KTN1: variants seen among roughly 807,000 people sequenced by gnomAD.
The protein encoded by KTN1 is kinectin 1, also known as kinectin.
In KTN1, 130 loss-of-function variants were observed where a neutral mutation model predicts 222.5. The observed-to-expected ratio is 0.58, with a 90% confidence interval of 0.51 to 0.68. KTN1 has a LOEUF of 0.68. Among genes scored for constraint, KTN1 ranks in the 30% least tolerant of loss-of-function variants. The probability of loss-of-function intolerance (pLI) is 0.00; values close to 1 mark genes in which losing one functional copy is unlikely to be tolerated. For synonymous variants in KTN1, 512 were observed against 496.3 expected, an observed-to-expected ratio of 1.03 and a Z score of -0.42; for missense variants, 1,508 against 1,500.4, an observed-to-expected ratio of 1.01 and a Z score of -0.08.
chr14:55,659,729 T>A, intron 31 of KTN1, 26 bp downstream of exon 31: 3 of 1,297,848 alleles, frequency 2.3e-6, no homozygotes, highest in Non-Finnish European at 3.3e-6. Flanking sequence ...GAGTCACAGT[T>A]TATAAAGTCG....
chr14:55,582,661 T>C (rs897575688), intron 1 of KTN1, among the ~76,000 whole-genome samples: 4 of 152,344 alleles, frequency 2.6e-5, no homozygotes, highest in Non-Finnish European at 2.9e-5. Flanking sequence ...ATAATTTTTA[T>C]AGCAAATGAA....
chr14:55,651,459 G>T (rs1424323963), intron 24 of KTN1: 1 of 437,616 alleles, frequency 2.3e-6, no homozygotes, highest in Admixed American at 2.6e-5. Flanking sequence ...TGAAAACTGG[G>T]ATGGAGAAGA....
chr14:55,601,797 G>C (rs1337269257), intron 1 of KTN1: 12 of 152,078 alleles, frequency 7.9e-5, no homozygotes, highest in Admixed American at 7.9e-4. Context: ...GTGCAGTGGT[G>C]TGACCTTGGC....
rs192778587 is a variant in KTN1, at chr14:55,663,192, T to G, written c.3091-763T>G. 7.3e-5 allele frequency: 15 copies of G among 204,108 alleles called. No individual in the cohort carries two copies. In the East Asian group the frequency reaches 1.6e-3, roughly 22 times the overall value. The allele number at this position is 204,108 out of a possible 1,614,324, so 12.6% of individuals were successfully genotyped here. A position where few individuals can be genotyped will look rare whatever the true frequency, so the allele number is the denominator to read the frequency against. The stretch of plus-strand genomic sequence containing the variant: ...AAGTAATAAATGGTGATTATTGGCT[T>G]TTTATTTTTCGTTGTTGGTTTTTAT... On this transcript the variant is annotated intron_variant, in intron 32 of 43. Transcript: ENST00000395314.
chr14:55,680,420 A>G (rs1459171038), intron 43 of KTN1: 1 of 163,820 alleles, frequency 6.1e-6, no homozygotes, highest in Non-Finnish European at 1.3e-5. Context: ...TTTATGAATA[A>G]CTTAAGTCAC....
intron 43 of KTN1, 187 bp downstream of exon 43, chr14:55,679,872 G>A: frequency 1.7e-6 from 1 of 599,990 alleles, no homozygotes; most frequent in Non-Finnish European, 2.9e-6. Flanking sequence ...TGAAGGTCTT[G>A]TAGCTTGGAG....
chr14:55,615,952 T>G (rs1270763292), intron 2 of KTN1, among the ~76,000 whole-genome samples: 1 of 151,916 alleles, frequency 6.6e-6, no homozygotes, highest in Non-Finnish European at 1.5e-5. Flanking sequence ...CTTGCTCTGT[T>G]GCTGAGGCTC....
intron 21 of KTN1, 114 bp downstream of exon 21, chr14:55,648,984 G>T (rs2042667544): frequency 4.3e-6 from 3 of 699,438 alleles, no homozygotes; most frequent in African/African-American, 3.6e-5. Context: ...GGAGTGCAGT[G>T]GTACAATCAT....
chr14:55,666,582 A>G (rs746922847), intron 33 of KTN1, among the ~76,000 whole-genome samples: 1 of 151,912 alleles, frequency 6.6e-6, no homozygotes, highest in Admixed American at 6.6e-5. Context: ...GACATTTGTA[A>G]TATTTGTAAA....
At chr14:55,656,610 C>T (rs901293486) in intron 29 of KTN1, among the ~76,000 whole-genome samples, 1 of 152,060 alleles carries the variant, frequency 6.6e-6, no homozygotes, top group African/African-American at 2.4e-5. Context: ...GGACTACAGG[C>T]ATGCACCACT....
chr14:55,680,788 TCTTCAAC>T, intron 43 of KTN1: 1 of 995,104 alleles, frequency 1.0e-6, no homozygotes, highest in Non-Finnish European at 1.5e-6. Flanking sequence ...CCCAGCTCAT[TCTTCAAC>T]ATATCAACAA....
rs1204770269 is a variant in KTN1, at chr14:55,619,162, TTTG to T, written c.833-17_833-15del. The T allele has an allele frequency of 6.3e-7, 1 of 1,585,018 alleles. No individual in the cohort carries two copies. The highest frequency in any genetic ancestry group is 8.6e-7 in the Non-Finnish European group (1 of 1,158,558). The stretch of plus-strand genomic sequence containing the variant: ...TTTTTAAATGCCAACTCTTTGTTTG[TTTG>T]TTTTTTTCAAATTAAGAAAATGCTG... On this transcript the variant is annotated splice_polypyrimidine_tract_variant and intron_variant, in intron 4 of 43. Coordinates refer to ENST00000395314, the MANE Select transcript of KTN1 (RefSeq NM_001079521.2).
At chr14:55,670,280 T>C (rs781510399) in intron 34 of KTN1, among the ~76,000 whole-genome samples, 2 of 152,096 alleles carry the variant, frequency 1.3e-5, no homozygotes, top group African/African-American at 4.8e-5. Flanking sequence ...CTTTATGAAC[T>C]CAAAATACTT....
In KTN1 at chr14:55,650,417, A is replaced by C. The variant is rs1394119741; in HGVS notation, c.2495A>C (p.Gln832Pro). 6.2e-7 allele frequency: 1 copy of C among 1,600,670 alleles called. No homozygotes were observed. Among genetic ancestry groups the C allele is most frequent in the Non-Finnish European group, 8.5e-7 (1 of 1,171,830 alleles). Reference protein sequence around the residue: ...LKVANKEKTVQDLKQEIKALK... With the variant: ...LKVANKEKTVPDLKQEIKALK... ...GTTGCTAACAAGGAGAAAACTGTTC[A>C]GGTATTGGGAGACAGAGAACTGTGT... The change falls in exon 23 of 44, where the codon CAG becomes CCG. Residue 832 changes from glutamine (Q) to proline (P), a missense_variant and splice_region_variant. Physicochemically the swap from Gln to Pro is moderately conservative, Grantham distance 76. Transcript: ENST00000395314.
chr14:55,613,791 T>C (rs2037956752), intron 2 of KTN1, among the ~76,000 whole-genome samples: 2 of 152,080 alleles, frequency 1.3e-5, no homozygotes, highest in South Asian at 4.1e-4. Flanking sequence ...ATTTTAAATA[T>C]TTGCATGTCA....
chr14:55,672,731 C>A, intron 38 of KTN1, 30 bp downstream of exon 38: 2 of 1,439,948 alleles, frequency 1.4e-6, no homozygotes, highest in Non-Finnish European at 2.0e-6. Flanking sequence ...TACTTGTAAC[C>A]TATGGATTTG....
chr14:55,649,853 G>C, intron 22 of KTN1, 40 bp downstream of exon 22: 1 of 1,232,510 alleles, frequency 8.1e-7, no homozygotes, highest in South Asian at 1.4e-5. Context: ...TTTCTTCTTT[G>C]GTCCATTTTT....
chr14:55,615,922 C>T (rs2038317398), intron 2 of KTN1, among the ~76,000 whole-genome samples: 1 of 147,812 alleles, frequency 6.8e-6, no homozygotes, highest in Admixed American at 6.8e-5. Flanking sequence ...TTCTTTCTTT[C>T]CTTTTTCTTT....
intron 1 of KTN1, among the ~76,000 whole-genome samples, chr14:55,591,699 C>G (rs1374934584): frequency 6.6e-6 from 1 of 150,518 alleles, no homozygotes; most frequent in Non-Finnish European, 1.5e-5. Context: ...AGCGATTCTC[C>G]TGCCTCAGCT....
Sources: allele counts gnomAD v4.1 joint callset (sites outside exome capture counted in the v4.1 genomes callset), GRCh38; gene constraint gnomAD v4.1.1; transcripts MANE v1.5; gene names NCBI Gene and HGNC (gene_info 2026-07-23, HGNC 2026-07-21).